Variants in CSMD1 observed in about 807,000 individuals in gnomAD.
CSMD1 encodes CUB and Sushi multiple domains 1.
Under a neutral mutation model 417.5 loss-of-function variants are expected in CSMD1, and 213 were observed. That is an observed-to-expected ratio of 0.51 (90% CI 0.46 to 0.57). CSMD1 has a LOEUF of 0.57. CSMD1 is among the 20% of genes least tolerant of loss of function. The pLI is 0.00. For missense variants in CSMD1, 6,923 were observed against 4,529.7 expected, an observed-to-expected ratio of 1.53 and a Z score of -15.17; for synonymous variants, 2,862 against 1,736.8, an observed-to-expected ratio of 1.65 and a Z score of -16.11.
At chr8:3,343,566 C>T (rs184112483) in intron 22 of CSMD1, 116 bp from the exon 23 acceptor site, 3 of 842,398 alleles carry the variant, frequency 3.6e-6, no homozygotes, top group East Asian at 2.7e-5. Context: ...CTTAAAAAGG[C>T]ATATAGTTTA....
At position 4,374,811 on chromosome 8, in the gene CSMD1, A is replaced by G. The variant is rs73660764; in HGVS notation, c.415+45142T>C. ...GGATGGCCCAGGAGAGGATGGCAGG[A>G]AAACGGCCTGCTGAGCAAAGTCTAG... On this transcript the variant is annotated intron_variant, in intron 3 of 69. Transcript: ENST00000635120. Among the ~76,000 whole-genome samples, 895 of 152,208 alleles carry G rather than the reference A, an allele frequency of 5.9e-3. 8 individuals carry two copies. The highest frequency in any genetic ancestry group is 0.021 in the African/African-American group (857 of 41,528).
chr8:4,690,685 T>G (rs933505620), intron 1 of CSMD1, among the ~76,000 whole-genome samples: 1 of 152,182 alleles, frequency 6.6e-6, no homozygotes, highest in Non-Finnish European at 1.5e-5. Context: ...TTTTATGAAT[T>G]GAATCATTAT....
At chr8:4,477,547 C>G (rs949217829) in intron 2 of CSMD1, among the ~76,000 whole-genome samples, 19 of 152,310 alleles carry the variant, frequency 1.2e-4, no homozygotes, top group Admixed American at 1.2e-3. Flanking sequence ...ATGACACACA[C>G]AGTTTAAATG....
Position 3,046,849 on chromosome 8 carries a change from C to T in CSMD1, c.7660+5613G>A, listed in dbSNP as rs6981566. Among the ~76,000 whole-genome samples the T allele has an allele frequency of 8.3e-3, 1,270 of 152,304 alleles. 18 individuals carry two copies. Among genetic ancestry groups the T allele is most frequent in the African/African-American group, 0.028 (1,180 of 41,556 alleles). ...TGTATTAAACCACTAAGATAAGGAA[C>T]ATAATATCTTCTTCCTAGGATTGCT... On this transcript the variant is annotated intron_variant, in intron 50 of 69. Coordinates refer to ENST00000635120, the MANE Select transcript of CSMD1 (RefSeq NM_033225.6).
chr8:3,503,935 T>A (rs1000932378), intron 10 of CSMD1, among the ~76,000 whole-genome samples: 4 of 151,180 alleles, frequency 2.6e-5, no homozygotes, highest in Non-Finnish European at 4.4e-5. Flanking sequence ...AGTGAGAATA[T>A]GGAGGCGGGG....
At chr8:4,608,331 C>A (rs1305114446) in intron 2 of CSMD1, among the ~76,000 whole-genome samples, 1 of 152,168 alleles carries the variant, frequency 6.6e-6, no homozygotes, top group African/African-American at 2.4e-5. Context: ...AGGCAACTAC[C>A]CTGACCCAGG....
intron 3 of CSMD1, among the ~76,000 whole-genome samples, chr8:4,242,518 T>G (rs1802462839): frequency 6.6e-6 from 1 of 152,228 alleles, no homozygotes. Context: ...TTAAGTATCT[T>G]AAAAATGTTC....
chr8:4,126,835 A>C (rs1049610407), intron 3 of CSMD1, among the ~76,000 whole-genome samples: 5 of 152,110 alleles, frequency 3.3e-5, no homozygotes, highest in African/African-American at 1.2e-4. Context: ...GTCCAGGACA[A>C]GTAAAGTGGA....
intron 47 of CSMD1, among the ~76,000 whole-genome samples, chr8:3,095,571 G>T (rs530582796): frequency 6.6e-6 from 1 of 152,204 alleles, no homozygotes; most frequent in South Asian, 2.1e-4. Flanking sequence ...AATTGATTCA[G>T]TGATGTCTAT....
At chr8:3,519,557 G>A (rs1797416245) in intron 10 of CSMD1, among the ~76,000 whole-genome samples, 1 of 152,152 alleles carries the variant, frequency 6.6e-6, no homozygotes, top group South Asian at 2.1e-4. Flanking sequence ...TCCCCGCCAT[G>A]AGGACCAATG....
chr8:4,114,740 C>A (rs1419315555), intron 3 of CSMD1, among the ~76,000 whole-genome samples: 1 of 152,122 alleles, frequency 6.6e-6, no homozygotes, highest in African/African-American at 2.4e-5. Context: ...GATTCCAACA[C>A]TTTACAGTTG....
intron 1 of CSMD1, among the ~76,000 whole-genome samples, chr8:4,748,779 G>A (rs576976196): frequency 5.8e-4 from 88 of 152,320 alleles, no homozygotes; most frequent in African/African-American, 1.9e-3. Context: ...TTATTGAATA[G>A]GTATTTAGTA....
At chr8:3,353,619 T>C (rs1808556856) in intron 21 of CSMD1, among the ~76,000 whole-genome samples, 1 of 152,072 alleles carries the variant, frequency 6.6e-6, no homozygotes. Context: ...GCTCAGAAAA[T>C]CACAAGAGTT....
intron 7 of CSMD1, among the ~76,000 whole-genome samples, chr8:3,641,287 C>T (rs919228550): frequency 5.3e-5 from 8 of 152,102 alleles, no homozygotes; most frequent in African/African-American, 1.7e-4. Flanking sequence ...CAGTGATTCC[C>T]AGCCTCCTGT....
chr8:4,441,218 C>T (rs1798458042), intron 2 of CSMD1, among the ~76,000 whole-genome samples: 1 of 143,696 alleles, frequency 7.0e-6, no homozygotes, highest in South Asian at 2.4e-4. Context: ...CGCACGTCAG[C>T]CTCTTGAGTA....
chr8:4,773,013 A>G (rs1464905645), intron 1 of CSMD1, among the ~76,000 whole-genome samples: 1 of 152,186 alleles, frequency 6.6e-6, no homozygotes, highest in East Asian at 1.9e-4. Context: ...ACCAATTAAC[A>G]AGAAATGCTC....
At chr8:4,136,913 C>T (rs1803476515) in intron 3 of CSMD1, among the ~76,000 whole-genome samples, 1 of 152,218 alleles carries the variant, frequency 6.6e-6, no homozygotes, top group Non-Finnish European at 1.5e-5. Flanking sequence ...GTCACAGCCA[C>T]TCTTTCTCCC....
At chr8:4,090,573 T>G (rs556900157) in intron 3 of CSMD1, among the ~76,000 whole-genome samples, 1 of 152,304 alleles carries the variant, frequency 6.6e-6, no homozygotes, top group African/African-American at 2.4e-5. Flanking sequence ...ACTAAAATAT[T>G]TAGGTGTGCT....
chr8:4,594,445 G>A (rs577281567), intron 2 of CSMD1, among the ~76,000 whole-genome samples: 5 of 151,848 alleles, frequency 3.3e-5, no homozygotes, highest in Admixed American at 2.0e-4. Context: ...AGTAATCCAC[G>A]CATCTCAGCC....
Sources: gnomAD v4.1 joint callset for allele counts (sites outside exome capture counted in the v4.1 genomes callset) on GRCh38, gnomAD v4.1.1 for gene constraint, MANE v1.5 for transcripts, NCBI Gene and HGNC (gene_info 2026-07-23, HGNC 2026-07-21) for gene names.